EARS2: variants seen among roughly 807,000 people sequenced by gnomAD.
EARS2 encodes the protein nondiscriminating glutamyl-tRNA synthetase EARS2, mitochondrial.
A neutral mutation model predicts 54.1 loss-of-function variants in EARS2; 50 were observed. That is an observed-to-expected ratio of 0.92 (90% CI 0.74 to 1.17). The LOEUF (loss-of-function observed/expected upper bound fraction) is 1.17, where lower values mean the gene tolerates loss of function less well. Among genes scored for constraint, EARS2 ranks in the 50% most tolerant of loss-of-function variants. The pLI is 0.00. For synonymous variants in EARS2, 298 were observed against 281.0 expected (o/e 1.06, Z -0.61); for missense variants, 673 against 675.0 (o/e 1.00, Z 0.03).
chr16:23,526,492 A>G (rs947269797), intron 7 of EARS2, among the ~76,000 whole-genome samples: 6 of 152,242 alleles, frequency 3.9e-5, no homozygotes, highest in African/African-American at 1.4e-4. Flanking sequence ...GAGCTTTGAG[A>G]CATTACAAAA....
intron 3 of EARS2, among the ~76,000 whole-genome samples, chr16:23,540,804 G>A (rs768519505): frequency 6.6e-6 from 1 of 152,040 alleles, no homozygotes; most frequent in Non-Finnish European, 1.5e-5. Flanking sequence ...GTAACACGGT[G>A]AAACCCCGTC....
chr16:23,548,895 AAGCCCATAAAAATGATAGACTC>A, intron 2 of EARS2, among the ~76,000 whole-genome samples: 1 of 152,032 alleles, frequency 6.6e-6, no homozygotes, highest in Non-Finnish European at 1.5e-5. Context: ...CCCCCATTCT[AAGCCCATAAAAATGATAGACTC>A]AGCCTCACAG....
chr16:23,548,494 T>C (rs1260888546), intron 2 of EARS2, among the ~76,000 whole-genome samples: 4 of 152,230 alleles, frequency 2.6e-5, no homozygotes, highest in East Asian at 3.9e-4. Context: ...GTATCCCTCA[T>C]GCCTGGCGTG....
chr16:23,533,028 T>C (rs1965352907), intron 4 of EARS2, among the ~76,000 whole-genome samples: 1 of 152,172 alleles, frequency 6.6e-6, no homozygotes, highest in South Asian at 2.1e-4. Flanking sequence ...GGCTTACACC[T>C]GTAATACCAG....
At chr16:23,535,533 G>A (rs1381745791) in intron 3 of EARS2, 173 bp from the exon 4 acceptor site, 18 of 621,964 alleles carry the variant, frequency 2.9e-5, no homozygotes, top group Admixed American at 5.9e-5. Context: ...ATAACATGGT[G>A]TAGCAGACAC....
rs1597027625 is a variant in EARS2, at chr16:23,552,211, G to A, written c.233C>T (p.Thr78Ile). 6.2e-7 allele frequency: 1 copy of A among 1,614,178 alleles called. No individual in the cohort carries two copies. ...CCCAGGCACAACGCGAGTCTGATCT[G>A]TGTCCTCTAGCCTCAGGATGAAGCT... ...QGSFILRLED[T>I]DQTRVVPGAA... The change falls in exon 2 of 9, where the codon ACA (threonine) becomes ATA (isoleucine). Residue 78 changes from threonine to isoleucine, a missense_variant. Thr to Ile is a moderately conservative substitution (Grantham distance 89). Coordinates refer to ENST00000449606, the MANE Select transcript of EARS2 (RefSeq NM_001083614.2).
At chr16:23,552,602 T>C (rs924304560) in intron 1 of EARS2, among the ~76,000 whole-genome samples, 6 of 152,220 alleles carry the variant, frequency 3.9e-5, no homozygotes, top group African/African-American at 1.4e-4. Flanking sequence ...GCAATTCTCA[T>C]GCCCAGCCTC....
chr16:23,542,612 C>A (rs776453706), intron 3 of EARS2, among the ~76,000 whole-genome samples: 11 of 152,004 alleles, frequency 7.2e-5, no homozygotes, highest in Non-Finnish European at 1.3e-4. Flanking sequence ...CCACGTCCGG[C>A]CTGTGGACCT....
intron 1 of EARS2, among the ~76,000 whole-genome samples, chr16:23,553,819 C>A (rs1965733854): frequency 6.6e-6 from 1 of 151,606 alleles, no homozygotes; most frequent in South Asian, 2.1e-4. Flanking sequence ...CTGCTTGAAC[C>A]CAGGAGACAG....
At chr16:23,552,757 C>T (rs1193261520) in intron 1 of EARS2, among the ~76,000 whole-genome samples, 1 of 152,134 alleles carries the variant, frequency 6.6e-6, no homozygotes, top group Non-Finnish European at 1.5e-5. Context: ...CTCCCAAGTG[C>T]TGGGATCACA....
chr16:23,547,086 T>G (rs1196149576), intron 2 of EARS2, among the ~76,000 whole-genome samples: 1 of 152,240 alleles, frequency 6.6e-6, no homozygotes, highest in Non-Finnish European at 1.5e-5. Context: ...TCATAGAGTT[T>G]TATTGGACAG....
chr16:23,540,084 G>A (rs1409768082), intron 3 of EARS2, among the ~76,000 whole-genome samples: 1 of 152,148 alleles, frequency 6.6e-6, no homozygotes, highest in African/African-American at 2.4e-5. Context: ...AGCCCAGGAG[G>A]CAGAAGTTGC....
chr16:23,523,642 C>T lies in EARS2; in HGVS notation c.*729G>A, dbSNP rs1307950995. 6.6e-6 allele frequency: 1 copy of T among 152,334 alleles called. No homozygotes were observed. The highest frequency in any genetic ancestry group is 1.9e-4 in the East Asian group (1 of 5,202). The allele number at this position is 152,334 out of a possible 1,614,324, so 9.4% of individuals were successfully genotyped here. On this transcript the variant is annotated 3_prime_UTR_variant, in exon 9 of 9. Transcript: ENST00000449606. ...GCCTGAGAACTGGGACCCATGAGTC[C>T]TGCTGCCCAGCTGCTACGGGCTGAA...
In EARS2 at chr16:23,550,019, G is replaced by A. The variant is rs180716784; in HGVS notation, c.295+2130C>T. The stretch of plus-strand genomic sequence containing the variant: ...ATCCCTCGCCCTAGTTTCTAAGCCT[G>A]TTACTCTTTTCTCCATACTGGTTAT... On this transcript the variant is annotated intron_variant, in intron 2 of 8. Coordinates refer to ENST00000449606, the MANE Select transcript of EARS2 (RefSeq NM_001083614.2). Among the ~76,000 whole-genome samples, 6 of 152,216 alleles carry A rather than the reference G, an allele frequency of 3.9e-5. No individual in the cohort carries two copies. The East Asian group carries it at 9.6e-4, about 24-fold the overall frequency.
intron 2 of EARS2, among the ~76,000 whole-genome samples, chr16:23,547,284 C>T (rs79651220): frequency 0.015 from 2,235 of 152,150 alleles, 24 homozygotes; most frequent in South Asian, 0.02. Flanking sequence ...TCATATGAAA[C>T]GTCCAGAAGA....
At chr16:23,557,148 T>A (rs762484597) in intron 1 of EARS2, 57 bp downstream of exon 1, 2 of 1,496,488 alleles carry the variant, frequency 1.3e-6, no homozygotes, top group Non-Finnish European at 1.8e-6. Flanking sequence ...GGAACATTCG[T>A]GGGGCGGAGA....
At position 23,544,590 on chromosome 16, in the gene EARS2, C is replaced by T. The variant is rs1469640223; in HGVS notation, c.409G>A (p.Ala137Thr). Residue 137 changes from alanine (A) to threonine (T), a missense_variant, in exon 3 of 9, where the codon GCT (alanine) becomes ACT (threonine). Ala to Thr is a moderately conservative substitution (Grantham distance 58). This residue lies in a region of EARS2 where 316 missense variants were observed against 275.2 expected (regional missense o/e 1.15). Coordinates refer to ENST00000449606, the MANE Select transcript of EARS2 (RefSeq NM_001083614.2). ...ATEALLKTGA[A>T]YPCFCSPQRL... Reference sequence around the variant, plus strand: ...TGGGGTGAGCAGAAACAGGGGTAAGCAGCTCCGGTCTTCAGCAGCGCTTCT... The same window carrying T: ...TGGGGTGAGCAGAAACAGGGGTAAGTAGCTCCGGTCTTCAGCAGCGCTTCT... 6.2e-7 allele frequency: 1 copy of T among 1,614,010 alleles called. No individual in the cohort carries two copies. Among genetic ancestry groups the T allele is most frequent in the Admixed American group, 1.7e-5 (1 of 60,010 alleles).
intron 3 of EARS2, among the ~76,000 whole-genome samples, chr16:23,542,731 T>C (rs1402529805): frequency 6.6e-6 from 1 of 152,190 alleles, no homozygotes; most frequent in Non-Finnish European, 1.5e-5. Flanking sequence ...GGTGTTTCTG[T>C]CCTTGTGTAG....
chr16:23,556,910 T>C, intron 1 of EARS2: 1 of 632,634 alleles, frequency 1.6e-6, no homozygotes, highest in Non-Finnish European at 2.9e-6. Context: ...GATCACTGTA[T>C]CCCAGCGTCT....
Sources: gnomAD v4.1 joint callset for allele counts (sites outside exome capture counted in the v4.1 genomes callset) on GRCh38, gnomAD v4.1.1 for gene constraint, gnomAD v4.1.1 regional missense constraint, MANE v1.5 for transcripts, NCBI Gene and HGNC (gene_info 2026-07-23, HGNC 2026-07-21) for gene names.